Variants in FBLN5 observed in about 807,000 individuals in gnomAD.
The protein encoded by FBLN5 is fibulin-5.
In FBLN5, 24 loss-of-function variants were observed where a neutral mutation model predicts 61.6. The observed-to-expected ratio is 0.39, with a 90% CI of 0.28 to 0.55. The LOEUF is 0.55. Ranked by LOEUF, FBLN5 falls within the 20% of genes least tolerant of loss-of-function variation. The pLI, the probability that FBLN5 is intolerant of heterozygous loss-of-function variation, is 0.65. For synonymous variants in FBLN5, 213 were observed against 219.8 expected (o/e 0.97, Z 0.27); for missense variants, 470 against 594.1 (o/e 0.79, Z 2.17).
chr14:91,887,179 C>A lies in FBLN5; in HGVS notation c.739+14G>T. 1 of 1,613,742 alleles carries A rather than the reference C, an allele frequency of 6.2e-7. No individual in the cohort carries two copies. Among genetic ancestry groups the A allele is most frequent in the Non-Finnish European group, 8.5e-7 (1 of 1,179,800 alleles). On this transcript the variant is annotated intron_variant, in intron 7 of 10. Coordinates refer to ENST00000342058, the MANE Select transcript of FBLN5 (RefSeq NM_006329.4). ...CAAGTACAGGTGGAAGTTTCCAATG[C>A]GAAAGCCCATTACCACTGCAATGAA...
At position 91,942,895 on chromosome 14, in the gene FBLN5, T is replaced by C. The variant is rs1322130890; in HGVS notation, c.72+12A>G. ...TACGCTTGTAGATATTTTTTAAAAA[T>C]AAAAATCTTACCTGTGCATTCCCAG... On this transcript the variant is annotated intron_variant, in intron 2 of 10. Coordinates refer to ENST00000342058, the MANE Select transcript of FBLN5 (RefSeq NM_006329.4). 4.2e-5 allele frequency: 63 copies of C among 1,509,670 alleles called. No individual in the cohort carries two copies. The highest frequency in any genetic ancestry group is 5.5e-5 in the Non-Finnish European group (61 of 1,108,946). 93.5% of individuals were successfully genotyped at this position (1,509,670 alleles called of 1,614,324 possible). A position where few individuals can be genotyped will look rare whatever the true frequency, so the allele number is the denominator to read the frequency against.
chr14:91,877,369 C>G, intron 10 of FBLN5, 118 bp downstream of exon 10: 1 of 851,988 alleles, frequency 1.2e-6, no homozygotes, highest in Non-Finnish European at 2.0e-6. Flanking sequence ...CTCCACTCTT[C>G]TCTCTGCCTA....
intron 4 of FBLN5, among the ~76,000 whole-genome samples, chr14:91,934,612 T>C (rs1323674003): frequency 6.6e-6 from 1 of 152,210 alleles, no homozygotes; most frequent in East Asian, 1.9e-4. Flanking sequence ...CACTAAAGTT[T>C]CAGAAATGTT....
At chr14:91,876,369 C>G (rs1595292167) in intron 10 of FBLN5, among the ~76,000 whole-genome samples, 1 of 152,192 alleles carries the variant, frequency 6.6e-6, no homozygotes, top group Admixed American at 6.5e-5. Flanking sequence ...ATCACAGCAG[C>G]ATCTGTTAGA....
At chr14:91,898,163 T>C (rs1490985346) in intron 4 of FBLN5, among the ~76,000 whole-genome samples, 1 of 152,172 alleles carries the variant, frequency 6.6e-6, no homozygotes, top group African/African-American at 2.4e-5. Context: ...GAATTGTCAA[T>C]AGAAACTATA....
At chr14:91,871,594 A>C (rs1888929404) in intron 10 of FBLN5, among the ~76,000 whole-genome samples, 1 of 152,180 alleles carries the variant, frequency 6.6e-6, no homozygotes, top group Admixed American at 6.5e-5. Context: ...ACCATGGCTC[A>C]CAACTGTAAT....
At chr14:91,880,526 C>CGTGCGT (rs1555374792) in intron 9 of FBLN5, among the ~76,000 whole-genome samples, 9 of 147,558 alleles carry the variant, frequency 6.1e-5, no homozygotes, top group African/African-American at 1.8e-4. Flanking sequence ...AGTGTGCGTG[C>CGTGCGT]GTGTGTGTGT....
chr14:91,904,654 A>C (rs140719958), intron 4 of FBLN5, among the ~76,000 whole-genome samples: 1,812 of 152,344 alleles, frequency 0.012, 39 homozygotes, highest in African/African-American at 0.041. Context: ...GGGAGCCCTC[A>C]CAGGGCGGAG....
rs760345539 is a variant in FBLN5 at position 91,937,096 on chromosome 14, C to T, written c.230G>A (p.Arg77Gln). Residue 77 changes from arginine (R) to glutamine (Q), a missense_variant, in exon 4 of 11, where the codon CGA (arginine) becomes CAA (glutamine). By Grantham distance (43) the Arg-to-Gln change is conservative (BLOSUM62 1). Transcript: ENST00000342058. ...LCIPRTNPVY[R>Q]GPYSNPYSTP... is the part of the protein sequence containing the mutation. ...CGAGTAGGGGTTCGAGTAGGGCCCTCGATACACAGGGTTTGTCCGGGGAAT... is the reference window on the plus strand; with the variant it reads ...CGAGTAGGGGTTCGAGTAGGGCCCTTGATACACAGGGTTTGTCCGGGGAAT... The T allele has an allele frequency of 3.1e-6, 5 of 1,613,806 alleles. No homozygotes were observed. Among genetic ancestry groups the T allele is most frequent in the African/African-American group, 1.3e-5 (1 of 74,910 alleles).
At chr14:91,887,343 T>G (rs374478508) in intron 6 of FBLN5, 31 bp from the exon 7 acceptor site, 1 of 1,608,672 alleles carries the variant, frequency 6.2e-7, no homozygotes, top group Non-Finnish European at 8.5e-7. Context: ...TTGCTGACTG[T>G]CCTCCCAACA....
At chr14:91,924,403 T>C (rs1003677025) in intron 4 of FBLN5, among the ~76,000 whole-genome samples, 1 of 152,210 alleles carries the variant, frequency 6.6e-6, no homozygotes, top group African/African-American at 2.4e-5. Flanking sequence ...AATACTATGG[T>C]GAGACCGCGT....
chr14:91,887,406 AC>A, intron 6 of FBLN5, 94 bp from the exon 7 acceptor site: 1 of 1,268,470 alleles, frequency 7.9e-7, no homozygotes, highest in Non-Finnish European at 1.1e-6. Flanking sequence ...ATCTACCACC[AC>A]CAGGAGACCA....
chr14:91,899,143 C>CGTGTGT (rs59077653), intron 4 of FBLN5, among the ~76,000 whole-genome samples: 167 of 149,922 alleles, frequency 1.1e-3, no homozygotes, highest in Admixed American at 9.1e-3. Flanking sequence ...GCTGTGTGTT[C>CGTGTGT]GTGTGTGTGT....
chr14:91,907,860 C>A (rs896243058), intron 4 of FBLN5, among the ~76,000 whole-genome samples: 1 of 152,064 alleles, frequency 6.6e-6, no homozygotes, highest in African/African-American at 2.4e-5. Flanking sequence ...ACACACTAGT[C>A]CTAGCCCCTT....
At chr14:91,928,865 T>G (rs1417768406) in intron 4 of FBLN5, among the ~76,000 whole-genome samples, 1 of 151,874 alleles carries the variant, frequency 6.6e-6, no homozygotes, top group Non-Finnish European at 1.5e-5. Context: ...GAGACCATCC[T>G]GGCTAACACT....
chr14:91,941,623 C>T (rs567788209), intron 2 of FBLN5, among the ~76,000 whole-genome samples: 4 of 152,110 alleles, frequency 2.6e-5, no homozygotes, highest in Non-Finnish European at 4.4e-5. Flanking sequence ...GAAGCTGTGC[C>T]GGGAAGCTGG....
intron 5 of FBLN5, 95 bp downstream of exon 5, chr14:91,894,855 C>G: frequency 1.8e-6 from 1 of 550,774 alleles, no homozygotes; most frequent in South Asian, 1.5e-5. Context: ...GAAAAGCTTA[C>G]TACCCTCAGG....
At chr14:91,899,951 G>C (rs1890387388) in intron 4 of FBLN5, among the ~76,000 whole-genome samples, 1 of 152,180 alleles carries the variant, frequency 6.6e-6, no homozygotes, top group Non-Finnish European at 1.5e-5. Flanking sequence ...CTTCCATTGT[G>C]ACTCACGGAC....
At chr14:91,887,160 C>T (rs1193524709) in intron 7 of FBLN5, 33 bp downstream of exon 7, 10 of 1,612,964 alleles carry the variant, frequency 6.2e-6, no homozygotes, top group Non-Finnish European at 8.5e-6. Flanking sequence ...GCCCCAAGTA[C>T]AGGTGGAAGT....
Sources: gnomAD v4.1 joint callset for allele counts (sites outside exome capture counted in the v4.1 genomes callset) on GRCh38, gnomAD v4.1.1 for gene constraint, MANE v1.5 for transcripts, NCBI Gene and HGNC (gene_info 2026-07-23, HGNC 2026-07-21) for gene names.